Variants in AS3MT observed in about 807,000 individuals in gnomAD.
AS3MT encodes the protein S-adenosyl-L-methionine:arsenic(III) methyltransferase.
In AS3MT, 47 loss-of-function variants were observed where a neutral mutation model predicts 45.3. The observed-to-expected ratio is 1.04, with a 90% CI of 0.82 to 1.32. AS3MT has a LOEUF of 1.32. Ranked by LOEUF, AS3MT falls within the 40% of genes most tolerant of loss-of-function variation. AS3MT has a pLI of 0.00. For missense variants in AS3MT, 396 were observed against 451.1 expected (o/e 0.88, Z 1.11); for synonymous variants, 141 against 152.8 (o/e 0.92, Z 0.57).
rs111338822 is a variant in AS3MT, at chr10:102,869,745, C to T, written c.2-60C>T. The T allele has an allele frequency of 1.8e-5, 29 of 1,613,044 alleles. No homozygotes were observed. The East Asian group carries it at 5.8e-4, about 32-fold the overall frequency. Reference sequence around the variant, plus strand: ...CCGCTGCCTGCCCTTTACTGGCCCCCTCCCTCATGCCCGTCCCTCAGCACC... The same window carrying T: ...CCGCTGCCTGCCCTTTACTGGCCCCTTCCCTCATGCCCGTCCCTCAGCACC... On this transcript the variant is annotated intron_variant, in intron 1 of 10. Coordinates refer to ENST00000369880, the MANE Select transcript of AS3MT (RefSeq NM_020682.4).
intron 7 of AS3MT, 143 bp downstream of exon 7, chr10:102,877,178 C>A: frequency 2.8e-6 from 2 of 723,342 alleles, no homozygotes; most frequent in Non-Finnish European, 2.3e-6. Context: ...CTCTGCCATT[C>A]AAAAGTGATA....
At chr10:102,876,066 T>G (rs964460173) in intron 6 of AS3MT, among the ~76,000 whole-genome samples, 7 of 152,070 alleles carry the variant, frequency 4.6e-5, no homozygotes, top group African/African-American at 1.4e-4. Flanking sequence ...GTTCACTATC[T>G]CCACCAAAAA....
chr10:102,873,045 AG>A, intron 4 of AS3MT, 51 bp from the exon 5 acceptor site: 2 of 1,453,438 alleles, frequency 1.4e-6, no homozygotes, highest in Non-Finnish European at 9.3e-7. Context: ...TTTAGGAAAA[AG>A]TTGTGTATTT....
intron 10 of AS3MT, among the ~76,000 whole-genome samples, chr10:102,899,612 A>T (rs1438471021): frequency 6.6e-6 from 1 of 151,642 alleles, no homozygotes; most frequent in Non-Finnish European, 1.5e-5. Flanking sequence ...AAGTAGTAGG[A>T]CTGTAAATTT....
chr10:102,878,217 T>C (rs1002593021), intron 7 of AS3MT, among the ~76,000 whole-genome samples, 162 bp from the exon 8 acceptor site: 2 of 152,168 alleles, frequency 1.3e-5, no homozygotes, highest in African/African-American at 2.4e-5. Flanking sequence ...GTCTTAACCA[T>C]GGCTTTCTAG....
intron 10 of AS3MT, 72 bp from the exon 11 acceptor site, chr10:102,900,521 C>A: frequency 9.2e-7 from 1 of 1,092,810 alleles, no homozygotes; most frequent in Non-Finnish European, 1.4e-6. Context: ...CTAAATCAAA[C>A]AGAAATATTA....
At chr10:102,888,881 A>ATTTTTTTTTTTT (rs869038434) in intron 9 of AS3MT, among the ~76,000 whole-genome samples, 20 of 52,516 alleles carry the variant, frequency 3.8e-4, no homozygotes, top group Middle Eastern at 0.017. Context: ...ATATATATAT[A>ATTTTTTTTTTTT]TTTTTTTTTT....
At chr10:102,878,153 C>T (rs1279774978) in intron 7 of AS3MT, among the ~76,000 whole-genome samples, 1 of 152,136 alleles carries the variant, frequency 6.6e-6, no homozygotes, top group Non-Finnish European at 1.5e-5. Context: ...AGAACCAATC[C>T]ACCAGTGAGT....
At chr10:102,871,355 G>A (rs955604735) in intron 3 of AS3MT, among the ~76,000 whole-genome samples, 1 of 151,876 alleles carries the variant, frequency 6.6e-6, no homozygotes, top group African/African-American at 2.4e-5. Flanking sequence ...GACCATCCTG[G>A]CTATCATGGT....
At chr10:102,893,609 C>T (rs970394667) in intron 10 of AS3MT, among the ~76,000 whole-genome samples, 3 of 151,868 alleles carry the variant, frequency 2.0e-5, no homozygotes, top group African/African-American at 7.3e-5. Flanking sequence ...GATTCTTCTG[C>T]CTCAGCCTCC....
Position 102,873,080 on chromosome 10 carries a change from T to C in AS3MT, c.322-17T>C, listed in dbSNP as rs745789881. Reference sequence around the variant, plus strand: ...TTTTTTCAAAATGTTATCAAAACTATATTTTTCTTACTTTAGGTGGAAGTG... The same window carrying C: ...TTTTTTCAAAATGTTATCAAAACTACATTTTTCTTACTTTAGGTGGAAGTG... On this transcript the variant is annotated splice_polypyrimidine_tract_variant and intron_variant, in intron 4 of 10. Transcript: ENST00000369880. 1 of 1,553,166 alleles carries C rather than the reference T, an allele frequency of 6.4e-7. No homozygotes were observed.
At chr10:102,879,785 A>G (rs909877133) in intron 9 of AS3MT, among the ~76,000 whole-genome samples, 6 of 151,166 alleles carry the variant, frequency 4.0e-5, no homozygotes, top group Non-Finnish European at 4.4e-5. Context: ...AAAAAAAAAA[A>G]AAGAAGTTTT....
chr10:102,885,221 G>A (rs1031339528), intron 9 of AS3MT, among the ~76,000 whole-genome samples: 3 of 152,040 alleles, frequency 2.0e-5, no homozygotes, highest in African/African-American at 7.2e-5. Flanking sequence ...ACATATCAGC[G>A]AGAACATGTA....
chr10:102,877,121 T>C lies in AS3MT; in HGVS notation c.610+86T>C, dbSNP rs1844795629. The C allele has an allele frequency of 1.2e-5, 16 of 1,309,962 alleles. No homozygotes were observed. The East Asian group carries it at 3.7e-4, about 30-fold the overall frequency. The allele number at this position is 1,309,962 out of a possible 1,614,324, so 81.1% of individuals were successfully genotyped here. A position where few individuals can be genotyped will look rare whatever the true frequency, so the allele number is the denominator to read the frequency against. On this transcript the variant is annotated intron_variant, in intron 7 of 10. Coordinates refer to ENST00000369880, the MANE Select transcript of AS3MT (RefSeq NM_020682.4). Reference sequence around the variant, plus strand: ...TCTGCTAATAGCCAGGATGAGGCTATATGAGATCACATGGGGTTAGGCCAT... The same window carrying C: ...TCTGCTAATAGCCAGGATGAGGCTACATGAGATCACATGGGGTTAGGCCAT...
At chr10:102,870,642 G>A (rs1844664037) in intron 3 of AS3MT, among the ~76,000 whole-genome samples, 1 of 152,184 alleles carries the variant, frequency 6.6e-6, no homozygotes, top group Non-Finnish European at 1.5e-5. Flanking sequence ...CACACTCACT[G>A]GATCTGCCAT....
At chr10:102,899,473 C>CT in intron 10 of AS3MT, among the ~76,000 whole-genome samples, 1 of 152,176 alleles carries the variant, frequency 6.6e-6, no homozygotes, top group Non-Finnish European at 1.5e-5. Flanking sequence ...AAGGTAGACA[C>CT]TGAGGGACAG....
chr10:102,881,968 C>A lies in AS3MT; in HGVS notation c.885+2977C>A, dbSNP rs1398555395. Among the ~76,000 whole-genome samples, 1 of 147,918 alleles carries A rather than the reference C, an allele frequency of 6.8e-6. No homozygotes were observed. The highest frequency in any genetic ancestry group is 2.0e-4 in the East Asian group (1 of 5,038). On this transcript the variant is annotated intron_variant, in intron 9 of 10. Coordinates refer to ENST00000369880, the MANE Select transcript of AS3MT (RefSeq NM_020682.4). The surrounding 1 kb of genome is among the most constrained non-coding windows in gnomAD (Gnocchi z 4.2). Reference sequence around the variant, plus strand: ...TTTTTTTTCTTTTTTGAGACCAAGTCTCGCTCTGTCACTCAGGCTGGAGTG... The same window carrying A: ...TTTTTTTTCTTTTTTGAGACCAAGTATCGCTCTGTCACTCAGGCTGGAGTG...
chr10:102,870,239 A>G (rs1203598587), intron 3 of AS3MT, 28 bp downstream of exon 3: 3 of 1,613,194 alleles, frequency 1.9e-6, no homozygotes, highest in Admixed American at 1.7e-5. Context: ...GTCCCCAGGA[A>G]GACCCCAAAC....
At chr10:102,896,969 C>G (rs537705137) in intron 10 of AS3MT, among the ~76,000 whole-genome samples, 1 of 152,282 alleles carries the variant, frequency 6.6e-6, no homozygotes, top group African/African-American at 2.4e-5. Context: ...AAATATGTCA[C>G]TGATATTTTG....
Sources: allele counts gnomAD v4.1 joint callset (sites outside exome capture counted in the v4.1 genomes callset), GRCh38; gene constraint gnomAD v4.1.1; non-coding constraint Gnocchi (gnomAD v3.1); transcripts MANE v1.5; gene names NCBI Gene and HGNC (gene_info 2026-07-23, HGNC 2026-07-21).